The following STEAP2 variants were observed in gnomAD, a reference collection of about 807,000 sequenced individuals.
STEAP2 encodes the protein STEAP2 metalloreductase, also known as metalloreductase STEAP2.
STEAP2 carries 30 observed loss-of-function variants against 46.4 expected under a neutral mutation model. The observed-to-expected ratio is 0.65, with a 90% CI of 0.48 to 0.88. STEAP2 has a LOEUF of 0.88. Among genes scored for constraint, STEAP2 ranks in the 40% least tolerant of loss-of-function variants. STEAP2 has a pLI of 0.00. For missense variants in STEAP2, 513 were observed against 579.3 expected, an observed-to-expected ratio of 0.89 and a Z score of 1.18; for synonymous variants, 180 against 200.5, an observed-to-expected ratio of 0.90 and a Z score of 0.86.
chr7:90,229,770 G>C, intron 4 of STEAP2, 102 bp from the exon 5 acceptor site: 1 of 1,497,932 alleles, frequency 6.7e-7, no homozygotes. Flanking sequence ...ACTTAAATAC[G>C]TCCATATATG....
At chr7:90,226,683 A>G (rs545640779) in intron 3 of STEAP2, among the ~76,000 whole-genome samples, 6 of 152,288 alleles carry the variant, frequency 3.9e-5, no homozygotes, top group African/African-American at 1.2e-4. Context: ...TGTTTTCCCC[A>G]AACATTACTT....
chr7:90,237,044 G>C lies in STEAP2; in HGVS notation c.*4420G>C. On this transcript the variant is annotated 3_prime_UTR_variant, in exon 6 of 6. Transcript: ENST00000394621. Reference sequence around the variant, plus strand: ...ACTGAGTGTTGGCCAGTGAGATGAAGTCTCCTCAAAGGAAGGCAGCATGTG... The same window carrying C: ...ACTGAGTGTTGGCCAGTGAGATGAACTCTCCTCAAAGGAAGGCAGCATGTG... The C allele has an allele frequency of 7.3e-7, 1 of 1,374,408 alleles. No homozygotes were observed. The highest frequency in any genetic ancestry group is 1.0e-6 in the Non-Finnish European group (1 of 977,306). 85.1% of individuals were successfully genotyped at this position (1,374,408 alleles called of 1,614,324 possible). A position where few individuals can be genotyped will look rare whatever the true frequency, so the allele number is the denominator to read the frequency against.
rs115119964 is a variant in STEAP2 at position 90,237,123 on chromosome 7, T to C, written c.*4499T>C. 321 of 658,098 alleles carry C rather than the reference T, an allele frequency of 4.9e-4. No homozygotes were observed. The African/African-American group carries it at 5.4e-3, about 11-fold the overall frequency. 40.8% of individuals were successfully genotyped at this position (658,098 alleles called of 1,614,324 possible). On this transcript the variant is annotated 3_prime_UTR_variant, in exon 6 of 6. Transcript: ENST00000394621. ...GGGATTGTGGATATAACAGGAGCCCTGGCAGCTGTCTCCAGAGGATCAAAG... is the reference window on the plus strand; with the variant it reads ...GGGATTGTGGATATAACAGGAGCCCCGGCAGCTGTCTCCAGAGGATCAAAG...
At chr7:90,220,051 G>T (rs1795187649) in intron 2 of STEAP2, among the ~76,000 whole-genome samples, 1 of 152,150 alleles carries the variant, frequency 6.6e-6, no homozygotes, top group African/African-American at 2.4e-5. Flanking sequence ...ATTTTGTTGA[G>T]AGTTTTTGTA....
chr7:90,237,067 G>A lies in STEAP2; in HGVS notation c.*4443G>A, dbSNP rs994911527. On this transcript the variant is annotated 3_prime_UTR_variant, in exon 6 of 6. Coordinates refer to ENST00000394621, the MANE Select transcript of STEAP2 (RefSeq NM_001244944.2). The stretch of plus-strand genomic sequence containing the variant: ...AAGTCTCCTCAAAGGAAGGCAGCAT[G>A]TGTCCTTTTTCATCCCTTCATCTTG... The A allele has an allele frequency of 4.5e-6, 5 of 1,108,528 alleles. No individual in the cohort carries two copies. Among genetic ancestry groups the A allele is most frequent in the Non-Finnish European group, 6.5e-6 (5 of 765,180 alleles). The allele number at this position is 1,108,528 out of a possible 1,614,324, so 68.7% of individuals were successfully genotyped here.
chr7:90,240,301 A>G (rs1199887328), downstream of STEAP2, among the ~76,000 whole-genome samples: 1 of 151,852 alleles, frequency 6.6e-6, no homozygotes, highest in African/African-American at 2.4e-5. This position sits in a 1 kb window ranked among gnomAD's most constrained non-coding sequence, Gnocchi z 4.1. Flanking sequence ...AAAATTAAGT[A>G]TAATAAATTC....
chr7:90,224,734 CT>C (rs1278598853), intron 2 of STEAP2, among the ~76,000 whole-genome samples: 16 of 152,204 alleles, frequency 1.1e-4, no homozygotes, highest in African/African-American at 3.9e-4. Flanking sequence ...TCCAGAACTA[CT>C]CAATCAGAAT....
chr7:90,238,843 C>T (rs574968911), downstream of STEAP2, among the ~76,000 whole-genome samples: 13 of 152,306 alleles, frequency 8.5e-5, no homozygotes, highest in South Asian at 2.7e-3. Context: ...ACCCTGCAGA[C>T]TCAAAATCCA....
rs1414469087 is a variant in STEAP2, at chr7:90,234,381, C to T, written c.*1757C>T. Reference sequence around the variant, plus strand: ...GAAATTATAACATTTCTAAACTTACCCACGTAGGTACTACTGAATCCAACT... The same window carrying T: ...GAAATTATAACATTTCTAAACTTACTCACGTAGGTACTACTGAATCCAACT... On this transcript the variant is annotated 3_prime_UTR_variant, in exon 6 of 6. Coordinates refer to ENST00000394621, the MANE Select transcript of STEAP2 (RefSeq NM_001244944.2). The T allele has an allele frequency of 2.0e-6, 2 of 985,050 alleles. No homozygotes were observed. Among genetic ancestry groups the T allele is most frequent in the African/African-American group, 3.5e-5 (2 of 57,172 alleles). The allele number at this position is 985,050 out of a possible 1,614,324, so 61.0% of individuals were successfully genotyped here. A position where few individuals can be genotyped will look rare whatever the true frequency, so the allele number is the denominator to read the frequency against.
rs1029743201 is a variant in STEAP2, at chr7:90,233,144, A to G, written c.*520A>G. 58 of 984,560 alleles carry G rather than the reference A, an allele frequency of 5.9e-5. No individual in the cohort carries two copies. Among genetic ancestry groups the G allele is most frequent in the Non-Finnish European group, 6.8e-5 (56 of 829,290 alleles). The allele number at this position is 984,560 out of a possible 1,614,324, so 61.0% of individuals were successfully genotyped here. On this transcript the variant is annotated 3_prime_UTR_variant, in exon 6 of 6. Coordinates refer to ENST00000394621, the MANE Select transcript of STEAP2 (RefSeq NM_001244944.2). ...CATTCCTATATTTCTCTCATAAAAT[A>G]GGATTTGAAGGATGAAATTAATTGT...
Position 90,234,746 on chromosome 7 carries a change from A to T in STEAP2, c.*2122A>T, listed in dbSNP as rs574461736. The stretch of plus-strand genomic sequence containing the variant: ...CTTTTTGTATTTTTAGTAGAGACGG[A>T]GTTTCACCGTGTTAGCCAGGATGGT... On this transcript the variant is annotated 3_prime_UTR_variant, in exon 6 of 6. Transcript: ENST00000394621. The T allele has an allele frequency of 1.8e-5, 9 of 511,816 alleles. No homozygotes were observed. The highest frequency in any genetic ancestry group is 2.1e-5 in the African/African-American group (1 of 47,704). 31.7% of individuals were successfully genotyped at this position (511,816 alleles called of 1,614,324 possible).
chr7:90,243,041 CG>C (rs1208681542), downstream of STEAP2, among the ~76,000 whole-genome samples: 1 of 152,130 alleles, frequency 6.6e-6, no homozygotes, highest in Non-Finnish European at 1.5e-5. Context: ...ATGAGAAAAG[CG>C]GAAGAATGAC....
intron 2 of STEAP2, among the ~76,000 whole-genome samples, chr7:90,220,884 C>T (rs1011462313): frequency 6.6e-6 from 1 of 152,006 alleles, no homozygotes; most frequent in Non-Finnish European, 1.5e-5. Context: ...TTCTTTGCCC[C>T]CGTAGTCATT....
chr7:90,241,279 G>A (rs1216544592), downstream of STEAP2, among the ~76,000 whole-genome samples: 2 of 152,224 alleles, frequency 1.3e-5, no homozygotes, highest in East Asian at 3.9e-4. Flanking sequence ...TTCTGAGTCA[G>A]TAGGTCCACC....
At chr7:90,225,621 T>C in intron 3 of STEAP2, 47 bp downstream of exon 3, 1 of 1,506,684 alleles carries the variant, frequency 6.6e-7, no homozygotes, top group Non-Finnish European at 8.9e-7. Context: ...ATTTTGTAGT[T>C]AAACAACTAA....
chr7:90,226,186 G>A (rs1434477223), intron 3 of STEAP2, among the ~76,000 whole-genome samples: 4 of 152,142 alleles, frequency 2.6e-5, no homozygotes, highest in Middle Eastern at 3.4e-3. Context: ...AGACAAACCT[G>A]AATTTAATAA....
intron 1 of STEAP2, 139 bp downstream of exon 1, chr7:90,212,184 C>G (rs1794839474): frequency 6.6e-6 from 1 of 152,492 alleles, no homozygotes; most frequent in Non-Finnish European, 1.5e-5. Flanking sequence ...TGCGGGGTCC[C>G]TCATCTCCTG....
intron 2 of STEAP2, 84 bp from the exon 3 acceptor site, chr7:90,224,966 G>A (rs1284230955): frequency 9.1e-6 from 11 of 1,205,160 alleles, no homozygotes; most frequent in Non-Finnish European, 1.0e-5. Flanking sequence ...TTTACCTCTA[G>A]AAAGACAGGA....
chr7:90,213,814 GA>G (rs2116104166), intron 1 of STEAP2: 1 of 152,306 alleles, frequency 6.6e-6, no homozygotes, highest in South Asian at 2.1e-4. Flanking sequence ...AGGGCTGAGT[GA>G]ATTATTCTGC....
Sources: allele counts gnomAD v4.1 joint callset (sites outside exome capture counted in the v4.1 genomes callset), GRCh38; gene constraint gnomAD v4.1.1; non-coding constraint Gnocchi (gnomAD v3.1); transcripts MANE v1.5; gene names NCBI Gene and HGNC (gene_info 2026-07-23, HGNC 2026-07-21).